The following C2orf74 variants were observed in gnomAD, a reference collection of about 807,000 sequenced individuals.
The protein encoded by C2orf74 is DPM1 ER membrane anchor 1, also known as uncharacterized protein C2orf74.
C2orf74 carries 14 observed loss-of-function variants against 17.9 expected under a neutral mutation model. The ratio of observed to expected loss-of-function variants is 0.78; its 90% CI spans 0.52 to 1.22. The LOEUF (loss-of-function observed/expected upper bound fraction) is 1.22. Among genes scored for constraint, C2orf74 ranks in the 50% most tolerant of loss-of-function variants. The pLI, the probability that C2orf74 is intolerant of heterozygous loss-of-function variation, is 0.00. For missense variants in C2orf74, 217 were observed against 218.4 expected (o/e 0.99, Z 0.04); for synonymous variants, 79 against 72.6 (o/e 1.09, Z -0.44).
intron 1 of C2orf74, chr2:61,145,267 A>G (rs1033641788): frequency 3.3e-5 from 5 of 152,176 alleles, no homozygotes; most frequent in African/African-American, 1.2e-4. Context: ...AAATATAAAT[A>G]TATTAAATAT....
At chr2:61,148,524 T>A (rs1685135021) in intron 1 of C2orf74, among the ~76,000 whole-genome samples, 1 of 152,206 alleles carries the variant, frequency 6.6e-6, no homozygotes, top group African/African-American at 2.4e-5. Flanking sequence ...TTTATTGTTT[T>A]ACTTGTTTTG....
upstream of C2orf74, among the ~76,000 whole-genome samples, chr2:61,158,627 G>A (rs1685468459): frequency 6.6e-6 from 1 of 152,156 alleles, no homozygotes; most frequent in African/African-American, 2.4e-5. Flanking sequence ...AGGAGATGAA[G>A]GCTCAAATCT....
At chr2:61,148,254 T>A (rs1685128654) in intron 1 of C2orf74, among the ~76,000 whole-genome samples, 1 of 151,422 alleles carries the variant, frequency 6.6e-6, no homozygotes, top group African/African-American at 2.4e-5. Context: ...TGGTGCCATC[T>A]CGGCTTACTG....
intron 1 of C2orf74, among the ~76,000 whole-genome samples, chr2:61,152,977 A>G (rs1282463579): frequency 6.6e-6 from 1 of 150,518 alleles, no homozygotes; most frequent in Non-Finnish European, 1.5e-5. Flanking sequence ...ACATGGAGAA[A>G]CCCCGTCTCT....
At chr2:61,149,885 G>T (rs915842535) in intron 1 of C2orf74, among the ~76,000 whole-genome samples, 1 of 152,076 alleles carries the variant, frequency 6.6e-6, no homozygotes, top group Admixed American at 6.6e-5. Flanking sequence ...AGATGATACC[G>T]GGTTTCTTGA....
rs1383251613 is a variant in C2orf74 at position 61,164,491 on chromosome 2, T to C, written c.528T>C (p.Pro176=). The change falls in exon 5 of 5, where the codon CCT becomes CCC. Residue 176 remains proline, a synonymous_variant. Coordinates refer to ENST00000432605, the MANE Select transcript of C2orf74 (RefSeq NM_001143959.4). ...VVDLGNEYPT[P]RSYTREHKER... ...ATCTTGGGAATGAATACCCTACACCTCGAAGCTATACTCGAGAACATAAAG... is the reference window on the plus strand; with the variant it reads ...ATCTTGGGAATGAATACCCTACACCCCGAAGCTATACTCGAGAACATAAAG... The C allele has an allele frequency of 6.5e-7, 1 of 1,547,250 alleles. No homozygotes were observed. The highest frequency in any genetic ancestry group is 8.7e-7 in the Non-Finnish European group (1 of 1,145,392).
chr2:61,154,626 C>T (rs1685340722), intron 1 of C2orf74, among the ~76,000 whole-genome samples: 1 of 152,064 alleles, frequency 6.6e-6, no homozygotes, highest in African/African-American at 2.4e-5. Context: ...CCTGTAAATC[C>T]AAAAACATCC....
intron 1 of C2orf74, among the ~76,000 whole-genome samples, chr2:61,146,328 G>C (rs1365456198): frequency 1.3e-5 from 2 of 152,152 alleles, no homozygotes; most frequent in Non-Finnish European, 2.9e-5. Context: ...GGATAAATGA[G>C]AGTCATATGA....
chr2:61,161,135 AT>A (rs1349263284), upstream of C2orf74, among the ~76,000 whole-genome samples: 1 of 152,022 alleles, frequency 6.6e-6, no homozygotes, highest in Non-Finnish European at 1.5e-5. Context: ...TGTGGTTTTG[AT>A]TTGCACTTCC....
At chr2:61,159,322 A>C, upstream of C2orf74, 1 of 379,744 alleles carries the variant, frequency 2.6e-6, no homozygotes, top group Non-Finnish European at 5.1e-6. Flanking sequence ...TTCAAGATGG[A>C]GTCTCGCTCT....
Position 61,163,147 on chromosome 2 carries a change from A to C in C2orf74, c.305A>C (p.Asn102Thr). 1 of 1,552,304 alleles carries C rather than the reference A, an allele frequency of 6.4e-7. No individual in the cohort carries two copies. The highest frequency in any genetic ancestry group is 1.4e-5 in the African/African-American group (1 of 73,182). ...GAAGTGTTGGCCACACCCTTAGAAA[A>C]CAGAAGGGACATGGAGGCAGAAGAG... Reference protein sequence around the residue: ...SKEVLATPLENRRDMEAEEEN... With the variant: ...SKEVLATPLETRRDMEAEEEN... Residue 102 changes from asparagine (N) to threonine (T), a missense_variant, in exon 4 of 5, where the codon AAC becomes ACC. Asn to Thr is a moderately conservative substitution (Grantham distance 65). Coordinates refer to ENST00000432605, the MANE Select transcript of C2orf74 (RefSeq NM_001143959.4).
intron 1 of C2orf74, among the ~76,000 whole-genome samples, chr2:61,146,098 T>C (rs1186819035): frequency 6.6e-6 from 1 of 152,234 alleles, no homozygotes; most frequent in Non-Finnish European, 1.5e-5. Flanking sequence ...ATGAGATTAT[T>C]GATTGTAATA....
At chr2:61,154,778 G>A (rs1453192582) in intron 1 of C2orf74, among the ~76,000 whole-genome samples, 1 of 152,140 alleles carries the variant, frequency 6.6e-6, no homozygotes, top group Non-Finnish European at 1.5e-5. Flanking sequence ...GAAAAGGCTG[G>A]GCTAGGTGGC....
intron 1 of C2orf74, among the ~76,000 whole-genome samples, chr2:61,154,465 A>C (rs1171014775): frequency 6.6e-6 from 1 of 152,130 alleles, no homozygotes; most frequent in African/African-American, 2.4e-5. Context: ...AACTAAGAGA[A>C]TCTGAATCAA....
At chr2:61,153,448 T>A (rs943648977) in intron 1 of C2orf74, among the ~76,000 whole-genome samples, 16 of 150,750 alleles carry the variant, frequency 1.1e-4, no homozygotes, top group African/African-American at 2.9e-4. Flanking sequence ...GCCTAGCTAA[T>A]TTTTTTTGTA....
At chr2:61,161,277 C>T (rs1182496199), upstream of C2orf74, among the ~76,000 whole-genome samples, 2 of 152,122 alleles carry the variant, frequency 1.3e-5, no homozygotes, top group African/African-American at 4.8e-5. Context: ...TGTAGGAGTT[C>T]TTCATATATT....
chr2:61,149,986 C>T (rs544459513), intron 1 of C2orf74, among the ~76,000 whole-genome samples: 30 of 152,122 alleles, frequency 2.0e-4, no homozygotes, highest in Non-Finnish European at 4.0e-4. Context: ...CTTCTTGTCC[C>T]TGTTTGGAGA....
chr2:61,162,147 C>T (rs1238368260), upstream of C2orf74: 2 of 225,412 alleles, frequency 8.9e-6, no homozygotes, highest in South Asian at 8.4e-5. Flanking sequence ...ATGTCACTGA[C>T]GAGAGAAGAA....
At chr2:61,159,723 G>A (rs1468683246), upstream of C2orf74, among the ~76,000 whole-genome samples, 2 of 152,200 alleles carry the variant, frequency 1.3e-5, no homozygotes, top group African/African-American at 4.8e-5. Flanking sequence ...ATGTGCTGGT[G>A]GTTTTGGTTT....
Sources: allele counts gnomAD v4.1 joint callset (sites outside exome capture counted in the v4.1 genomes callset), GRCh38; gene constraint gnomAD v4.1.1; transcripts MANE v1.5; gene names NCBI Gene and HGNC (gene_info 2026-07-23, HGNC 2026-07-21).